GRIK1: variants seen among roughly 807,000 people sequenced by gnomAD.
The protein encoded by GRIK1 is glutamate receptor ionotropic, kainate 1.
GRIK1 carries 69 observed loss-of-function variants against 105.7 expected under a neutral mutation model. The observed-to-expected ratio is 0.65, with a 90% CI of 0.54 to 0.80. The LOEUF (loss-of-function observed/expected upper bound fraction) is 0.80. GRIK1 is among the 30% of genes least tolerant of loss of function. The probability of loss-of-function intolerance (pLI) is 0.00; values close to 1 mark genes in which losing one functional copy is unlikely to be tolerated. For synonymous variants in GRIK1, 438 were observed against 431.3 expected (o/e 1.02, Z -0.19); for missense variants, 1,109 against 1,167.3 (o/e 0.95, Z 0.73).
Position 29,689,969 on chromosome 21 carries a change from A to G in GRIK1, c.303T>C (p.Ala101=). ...GGCCAAAGAGAGCAGCCACACCAAG[A>G]GCCAGCTGGTCACATGCTGATGCCC... The part of the protein sequence containing the change: ...EASRRACDQL[A]LGVAALFGPS... The change falls in exon 3 of 18, where the codon GCT becomes GCC. Residue 101 remains alanine (A), a synonymous_variant. Transcript: ENST00000327783. The G allele has an allele frequency of 6.3e-7, 1 of 1,598,066 alleles. No individual in the cohort carries two copies. Among genetic ancestry groups the G allele is most frequent in the African/African-American group, 1.3e-5 (1 of 74,334 alleles).
chr21:29,900,643 T>A (rs2070365032), intron 1 of GRIK1, among the ~76,000 whole-genome samples: 1 of 151,930 alleles, frequency 6.6e-6, no homozygotes, highest in Admixed American at 6.6e-5. Context: ...TAAAGCAAGT[T>A]CTTAGAGACA....
chr21:29,694,152 T>C (rs2063644602), intron 1 of GRIK1, 89 bp from the exon 2 acceptor site: 1 of 804,308 alleles, frequency 1.2e-6, no homozygotes, highest in Admixed American at 3.1e-5. Flanking sequence ...TGAGACGGAG[T>C]CTCGCTCTGT....
intron 1 of GRIK1, among the ~76,000 whole-genome samples, chr21:29,785,379 G>A (rs1392910088): frequency 1.3e-5 from 2 of 151,916 alleles, no homozygotes; most frequent in African/African-American, 2.4e-5. Flanking sequence ...CCTGGCCAAA[G>A]TGGTGAAACC....
intron 1 of GRIK1, among the ~76,000 whole-genome samples, chr21:29,710,410 C>T (rs58395017): frequency 0.25 from 37,366 of 151,742 alleles, 7,205 homozygotes; most frequent in African/African-American, 0.53. Context: ...AGTTTTCTAT[C>T]CTGTCCTGGA....
intron 1 of GRIK1, among the ~76,000 whole-genome samples, chr21:29,768,237 T>C (rs553279457): frequency 3.3e-5 from 5 of 152,276 alleles, no homozygotes; most frequent in African/African-American, 1.2e-4. Flanking sequence ...CTACAGCTTC[T>C]TGGCTTTGAA....
chr21:29,642,722 T>A, intron 7 of GRIK1, 104 bp downstream of exon 7: 1 of 981,708 alleles, frequency 1.0e-6, no homozygotes, highest in South Asian at 1.5e-5. Context: ...TTCCTCTCTC[T>A]TAGGGGCATC....
chr21:29,543,647 G>A (rs1397929821), intron 16 of GRIK1, among the ~76,000 whole-genome samples: 2 of 152,140 alleles, frequency 1.3e-5, no homozygotes, highest in African/African-American at 4.8e-5. Context: ...CACCATATTA[G>A]CTTTTAGAAT....
At chr21:29,576,839 T>G in intron 14 of GRIK1, 125 bp downstream of exon 14, 1 of 622,622 alleles carries the variant, frequency 1.6e-6, no homozygotes, top group Non-Finnish European at 2.8e-6. Context: ...ATAAATTTTA[T>G]TTCATTAAAA....
chr21:29,652,062 G>A (rs1275355956), intron 5 of GRIK1, among the ~76,000 whole-genome samples: 2 of 152,112 alleles, frequency 1.3e-5, no homozygotes, highest in African/African-American at 2.4e-5. Context: ...ATGTCCTTGG[G>A]CACAGGATGT....
intron 1 of GRIK1, among the ~76,000 whole-genome samples, chr21:29,920,586 A>G (rs1053238755): frequency 6.6e-6 from 1 of 152,108 alleles, no homozygotes; most frequent in African/African-American, 2.4e-5. Flanking sequence ...TTAGAATTAA[A>G]TATTTATTTG....
At chr21:29,901,516 C>A (rs2070406733) in intron 1 of GRIK1, among the ~76,000 whole-genome samples, 1 of 149,302 alleles carries the variant, frequency 6.7e-6, no homozygotes, top group Non-Finnish European at 1.5e-5. Context: ...ACTATAAACA[C>A]CTCTACACAA....
chr21:29,820,420 C>A lies in GRIK1; in HGVS notation c.118+118963G>T, dbSNP rs141950911. ...AATGATAATGAAGAATGAATGGAAACCTGAGAAGTTTCCTGGGAAATTATA... is the reference window on the plus strand; with the variant it reads ...AATGATAATGAAGAATGAATGGAAAACTGAGAAGTTTCCTGGGAAATTATA... On this transcript the variant is annotated intron_variant, in intron 1 of 17. Transcript: ENST00000327783. 3.5e-3 allele frequency among the ~76,000 whole-genome samples: 526 copies of A among 152,048 alleles called. 3 individuals carry two copies. Among genetic ancestry groups the A allele is most frequent in the African/African-American group, 0.012 (511 of 41,496 alleles).
chr21:29,910,638 T>G (rs2070781324), intron 1 of GRIK1, among the ~76,000 whole-genome samples: 1 of 152,146 alleles, frequency 6.6e-6, no homozygotes, highest in African/African-American at 2.4e-5. Context: ...AATATTCAAT[T>G]CAATAAAAAT....
rs560280227 is a variant in GRIK1, at chr21:29,723,619, T to C, written c.119-29556A>G. On this transcript the variant is annotated intron_variant, in intron 1 of 17. Transcript: ENST00000327783. ...TTCCAGTTGATTCATATCAGAGATATTGGGAAACCTATTTTAGAGTGCAGT... is the reference window on the plus strand; with the variant it reads ...TTCCAGTTGATTCATATCAGAGATACTGGGAAACCTATTTTAGAGTGCAGT... Among the ~76,000 whole-genome samples, 22 of 152,334 alleles carry C rather than the reference T, an allele frequency of 1.4e-4. 1 individual carries two copies. In the South Asian group the frequency reaches 2.9e-3, roughly 20 times the overall value.
At chr21:29,670,608 A>G (rs2063144978) in intron 4 of GRIK1, among the ~76,000 whole-genome samples, 1 of 152,304 alleles carries the variant, frequency 6.6e-6, no homozygotes, top group African/African-American at 2.4e-5. Flanking sequence ...ACAAATGAGT[A>G]TCTAGCAAAG....
chr21:29,872,806 C>T (rs1005762453), intron 1 of GRIK1, among the ~76,000 whole-genome samples: 1 of 152,144 alleles, frequency 6.6e-6, no homozygotes, highest in African/African-American at 2.4e-5. Flanking sequence ...CATGGGAAGA[C>T]CCACCCCCAT....
chr21:29,760,668 C>T lies in GRIK1; in HGVS notation c.119-66605G>A, dbSNP rs139474290. Among the ~76,000 whole-genome samples, 591 of 152,252 alleles carry T rather than the reference C, an allele frequency of 3.9e-3. 5 individuals carry two copies. The highest frequency in any genetic ancestry group is 0.018 in the East Asian group (94 of 5,188). On this transcript the variant is annotated intron_variant, in intron 1 of 17. Coordinates refer to ENST00000327783, the MANE Select transcript of GRIK1 (RefSeq NM_001330994.2). Reference sequence around the variant, plus strand: ...ACAGCTTTCTACAATAAAACAGTACCGAATTTGAAAGTCATTGAGAGTAAT... The same window carrying T: ...ACAGCTTTCTACAATAAAACAGTACTGAATTTGAAAGTCATTGAGAGTAAT...
At chr21:29,830,002 C>T (rs559995114) in intron 1 of GRIK1, among the ~76,000 whole-genome samples, 21 of 152,114 alleles carry the variant, frequency 1.4e-4, no homozygotes, top group South Asian at 1.0e-3. Context: ...GCAGTAATTC[C>T]CAAATAGAAA....
At chr21:29,873,264 T>C (rs2223022) in intron 1 of GRIK1, among the ~76,000 whole-genome samples, 14,160 of 152,226 alleles carry the variant, frequency 0.093, 823 homozygotes, top group African/African-American at 0.17. Flanking sequence ...TTAAATAGCA[T>C]TCCAAAAGCT....
Sources: gnomAD v4.1 joint callset for allele counts (sites outside exome capture counted in the v4.1 genomes callset) on GRCh38, gnomAD v4.1.1 for gene constraint, MANE v1.5 for transcripts, NCBI Gene and HGNC (gene_info 2026-07-23, HGNC 2026-07-21) for gene names.